Variants in ZDHHC15 observed in about 807,000 individuals in gnomAD.
The protein encoded by ZDHHC15 is zDHHC palmitoyltransferase 15.
A neutral mutation model predicts 31.7 loss-of-function variants in ZDHHC15; 19 were observed. The observed-to-expected ratio is 0.60, with a 90% confidence interval of 0.42 to 0.88. The LOEUF is 0.88. Among genes scored for constraint, ZDHHC15 ranks in the 40% least tolerant of loss-of-function variants. ZDHHC15 has a pLI of 0.00. For missense variants in ZDHHC15, 209 were observed against 251.2 expected (o/e 0.83, Z 1.14); for synonymous variants, 103 against 90.0 (o/e 1.14, Z -0.82).
chrX:75,385,520 A>G (rs2083169933), intron 10 of ZDHHC15, among the ~76,000 whole-genome samples: 1 of 111,708 alleles, frequency 9.0e-6, no homozygotes, highest in African/African-American at 3.3e-5. Context: ...TCTAATAATC[A>G]TTTTCTACAT....
At chrX:75,505,977 T>C in intron 1 of ZDHHC15, 130 bp from the exon 2 acceptor site, 1 of 563,916 alleles carries the variant, frequency 1.8e-6, no homozygotes, top group Non-Finnish European at 2.9e-6. Context: ...GAGTAATTTA[T>C]ATAATAGTAC....
intron 2 of ZDHHC15, among the ~76,000 whole-genome samples, chrX:75,488,491 A>C (rs1273769423): frequency 3.6e-5 from 4 of 112,646 alleles, no homozygotes; most frequent in Non-Finnish European, 7.5e-5. Flanking sequence ...GCCATTACCA[A>C]GCCAGCTCTA....
At chrX:75,401,255 C>CAA (rs59465325) in intron 10 of ZDHHC15, among the ~76,000 whole-genome samples, 1 of 82,782 alleles carries the variant, frequency 1.2e-5, no homozygotes, top group Non-Finnish European at 2.4e-5. Flanking sequence ...GTGCTGTTTC[C>CAA]AAAAAAAAAA....
intron 2 of ZDHHC15, among the ~76,000 whole-genome samples, chrX:75,486,363 C>T (rs1342455332): frequency 8.9e-6 from 1 of 112,355 alleles, no homozygotes; most frequent in African/African-American, 3.2e-5. Flanking sequence ...GGAAGGCAGC[C>T]AGCAAGAATT....
At chrX:75,430,103 T>C in intron 5 of ZDHHC15, 123 bp from the exon 6 acceptor site, 1 of 728,097 alleles carries the variant, frequency 1.4e-6, no homozygotes, top group South Asian at 3.1e-5. Flanking sequence ...TTCTCAGATT[T>C]CCACTATAGT....
intron 4 of ZDHHC15, among the ~76,000 whole-genome samples, chrX:75,441,746 C>G (rs1190490529): frequency 9.2e-6 from 1 of 109,173 alleles, no homozygotes; most frequent in Non-Finnish European, 1.9e-5. Flanking sequence ...GCCTTAGCCC[C>G]CCGAGTAGCT....
intron 2 of ZDHHC15, among the ~76,000 whole-genome samples, chrX:75,489,320 G>A (rs2084831820): frequency 8.9e-6 from 1 of 112,111 alleles, no homozygotes; most frequent in Admixed American, 9.4e-5. Context: ...CCCCTGAGCA[G>A]CCTAACTGGG....
At chrX:75,454,393 T>A (rs1188587919) in intron 3 of ZDHHC15, among the ~76,000 whole-genome samples, 1 of 112,072 alleles carries the variant, frequency 8.9e-6, no homozygotes, top group Non-Finnish European at 1.9e-5. Context: ...GCAATAAACA[T>A]ACATTTGCAT....
intron 1 of ZDHHC15, among the ~76,000 whole-genome samples, chrX:75,519,169 G>A (rs2085410997): frequency 9.1e-6 from 1 of 110,238 alleles, no homozygotes; most frequent in Non-Finnish European, 1.9e-5. Context: ...TGGCACTGAG[G>A]CGAACACTTA....
Position 75,522,993 on chromosome X carries a change from C to G in ZDHHC15, c.32G>C (p.Gly11Ala), listed in dbSNP as rs922985625. 3.4e-5 allele frequency: 41 copies of G among 1,209,253 alleles called. No individual in the cohort carries two copies. The highest frequency in any genetic ancestry group is 4.5e-5 in the Non-Finnish European group (40 of 894,774). ...TACCCGGCGGCAGCACCGCAGCCCC[C>G]CAGACAGAGCCATCTTCCAGCCTCG... MRRGWKMALS[G>A]GLRCCRRVLS... is the part of the protein sequence containing the mutation. Residue 11 changes from glycine (G) to alanine (A), a missense_variant, in exon 1 of 12, where the codon GGG (glycine) becomes GCG (alanine). By Grantham distance (60) the Gly-to-Ala change is moderately conservative (BLOSUM62 0). Coordinates refer to ENST00000373367, the MANE Select transcript of ZDHHC15 (RefSeq NM_144969.3).
chrX:75,391,409 C>T (rs1038353924), intron 10 of ZDHHC15, among the ~76,000 whole-genome samples: 1 of 111,488 alleles, frequency 9.0e-6, no homozygotes, highest in Admixed American at 9.6e-5. Flanking sequence ...AATAGGACTA[C>T]ATCGAGACAT....
chrX:75,394,994 G>A (rs182738048), intron 10 of ZDHHC15, among the ~76,000 whole-genome samples: 73 of 112,250 alleles, frequency 6.5e-4, no homozygotes, highest in Admixed American at 3.8e-3. Flanking sequence ...AATTTAACAA[G>A]TGAAATAATA....
At chrX:75,521,035 C>T (rs1199503975) in intron 1 of ZDHHC15, among the ~76,000 whole-genome samples, 1 of 110,593 alleles carries the variant, frequency 9.0e-6, no homozygotes, top group Non-Finnish European at 1.9e-5. Flanking sequence ...CAAATGGAGT[C>T]AGGTCCCGGA....
At chrX:75,472,276 C>A (rs1369552527) in intron 3 of ZDHHC15, among the ~76,000 whole-genome samples, 1 of 111,557 alleles carries the variant, frequency 9.0e-6, no homozygotes, top group East Asian at 2.8e-4. Context: ...TGGTTCTACA[C>A]GAAATGCAGG....
At chrX:75,466,147 A>G (rs903373734) in intron 3 of ZDHHC15, among the ~76,000 whole-genome samples, 1 of 112,094 alleles carries the variant, frequency 8.9e-6, no homozygotes, top group African/African-American at 3.2e-5. Flanking sequence ...ACATGAACAA[A>G]CACTTCTCAA....
chrX:75,393,701 T>A (rs1269685362), intron 10 of ZDHHC15, among the ~76,000 whole-genome samples: 2 of 111,784 alleles, frequency 1.8e-5, no homozygotes, highest in Non-Finnish European at 3.8e-5. Context: ...ATTCTGTTCT[T>A]CTAGAACCAC....
chrX:75,380,423 T>C (rs1341046420), intron 10 of ZDHHC15, among the ~76,000 whole-genome samples: 2 of 111,861 alleles, frequency 1.8e-5, no homozygotes, highest in African/African-American at 6.5e-5. Flanking sequence ...TTCCAAAAGT[T>C]GGCTGTTTGG....
At chrX:75,472,185 C>T (rs1033724807) in intron 3 of ZDHHC15, among the ~76,000 whole-genome samples, 11 of 111,741 alleles carry the variant, frequency 9.8e-5, no homozygotes, top group African/African-American at 3.3e-4. Context: ...CTTCTCTCCC[C>T]CAGCCTGCAC....
chrX:75,489,538 T>G (rs967003347), intron 2 of ZDHHC15, among the ~76,000 whole-genome samples: 8 of 111,792 alleles, frequency 7.2e-5, no homozygotes, highest in African/African-American at 2.6e-4. Context: ...GTCCTCACTG[T>G]TAGAAGGAAA....
Sources: allele counts gnomAD v4.1 joint callset (sites outside exome capture counted in the v4.1 genomes callset), GRCh38; gene constraint gnomAD v4.1.1; transcripts MANE v1.5; gene names NCBI Gene and HGNC (gene_info 2026-07-23, HGNC 2026-07-21).